Variants in SNRNP70 observed in about 807,000 individuals in gnomAD.
SNRNP70 encodes small nuclear ribonucleoprotein U1 subunit 70, also known as U1 small nuclear ribonucleoprotein 70 kDa.
SNRNP70 carries 8 observed loss-of-function variants against 50.5 expected under a neutral mutation model. That is an observed-to-expected ratio of 0.16 (90% CI 0.09 to 0.29). The LOEUF (loss-of-function observed/expected upper bound fraction) is 0.29, where lower values mean the gene tolerates loss of function less well. Ranked by LOEUF, SNRNP70 falls within the 10% of genes least tolerant of loss-of-function variation. The pLI is 1.00. For missense variants in SNRNP70, 529 were observed against 663.5 expected (o/e 0.80, Z 2.23); for synonymous variants, 320 against 252.9 (o/e 1.27, Z -2.52).
intron 8 of SNRNP70, among the ~76,000 whole-genome samples, chr19:49,106,148 C>A (rs567847252): frequency 6.6e-6 from 1 of 152,110 alleles, no homozygotes; most frequent in Non-Finnish European, 1.5e-5. Flanking sequence ...TGCTGAGCCT[C>A]GGAGCTTACC....
chr19:49,101,471 T>A lies in SNRNP70; in HGVS notation c.475T>A (p.Ser159Thr), dbSNP rs750797729. The A allele has an allele frequency of 6.2e-7, 1 of 1,610,876 alleles. No homozygotes were observed. The highest frequency in any genetic ancestry group is 1.7e-5 in the Admixed American group (1 of 60,022). ...IEYEHERDMH[S>T]AYKHADGKKI... is the part of the protein sequence containing the mutation. ...GTACGAACACGAGCGAGACATGCAC[T>A]GTGAGTACCTCCCGCCGAGCCCTGC... Residue 159 changes from serine to threonine, a missense_variant and splice_region_variant, in exon 7 of 10, where the codon TCC becomes ACC. Around this residue, in one of 4 missense-constraint regions of SNRNP70, gnomAD observed 149 missense variants for 259.7 expected, o/e 0.57. Transcript: ENST00000598441.
At position 49,101,464 on chromosome 19, in the gene SNRNP70, C is replaced by T; in HGVS notation, c.468C>T (p.Asp156=). 2 of 1,612,670 alleles carry T rather than the reference C, an allele frequency of 1.2e-6. No individual in the cohort carries two copies. Among genetic ancestry groups the T allele is most frequent in the Non-Finnish European group, 8.5e-7 (1 of 1,178,682 alleles). ...YAFIEYEHER[D]MHSAYKHADG... is the part of the protein sequence containing the mutation. ...TCATCGAGTACGAACACGAGCGAGA[C>T]ATGCACTGTGAGTACCTCCCGCCGA... The change falls in exon 7 of 10, where the codon GAC becomes GAT. Residue 156 remains aspartate (D), a synonymous_variant. Coordinates refer to ENST00000598441, the MANE Select transcript of SNRNP70 (RefSeq NM_003089.6).
intron 4 of SNRNP70, among the ~76,000 whole-genome samples, chr19:49,094,039 A>T (rs368755153): frequency 3.4e-4 from 51 of 151,616 alleles, no homozygotes; most frequent in African/African-American, 1.2e-3. Context: ...ACAAACAAGT[A>T]AGTTCCAATT....
chr19:49,094,472 C>T (rs2040487856), intron 4 of SNRNP70, among the ~76,000 whole-genome samples: 1 of 152,028 alleles, frequency 6.6e-6, no homozygotes, highest in Admixed American at 6.6e-5. Flanking sequence ...GCACTCCAGC[C>T]GGGGTGACAG....
At chr19:49,091,321 AT>A (rs2040444438) in intron 4 of SNRNP70, among the ~76,000 whole-genome samples, 1 of 149,788 alleles carries the variant, frequency 6.7e-6, no homozygotes, top group Non-Finnish European at 1.5e-5. Context: ...GTGAGCCGGG[AT>A]CGCGTCGGCT....
chr19:49,104,465 C>CG lies in SNRNP70; in HGVS notation c.476-167dup, dbSNP rs2040638068. 1.6e-6 allele frequency: 1 copy of CG among 614,614 alleles called. No individual in the cohort carries two copies. Among genetic ancestry groups the CG allele is most frequent in the Non-Finnish European group, 3.0e-6 (1 of 338,386 alleles). The allele number at this position is 614,614 out of a possible 1,614,324, so 38.1% of individuals were successfully genotyped here. A position where few individuals can be genotyped will look rare whatever the true frequency, so the allele number is the denominator to read the frequency against. ...CGCTGAGATGGAGCAGGCCCTTCACCGGTTTGGGAGAGGGTTGGTCTGGCT... is the reference window on the plus strand; with the variant it reads ...CGCTGAGATGGAGCAGGCCCTTCACCGGGTTTGGGAGAGGGTTGGTCTGGCT... On this transcript the variant is annotated intron_variant, in intron 7 of 9. Transcript: ENST00000598441. The surrounding 1 kb of genome is among the most constrained non-coding windows in gnomAD (Gnocchi z 5.4).
rs548035318 is a variant in SNRNP70 at position 49,093,184 on chromosome 19, C to T, written c.265+2664C>T. On this transcript the variant is annotated intron_variant, in intron 4 of 9. Coordinates refer to ENST00000598441, the MANE Select transcript of SNRNP70 (RefSeq NM_003089.6). The stretch of plus-strand genomic sequence containing the variant: ...GATCTAGGGTCACTGCAACCTCTGC[C>T]TCCCCGGTTCAAGCGATTTCCCTGC... Among the ~76,000 whole-genome samples, 10 of 152,148 alleles carry T rather than the reference C, an allele frequency of 6.6e-5. No homozygotes were observed. The East Asian group carries it at 1.6e-3, about 24-fold the overall frequency.
chr19:49,102,791 T>G (rs553088335), intron 7 of SNRNP70: 1 of 152,776 alleles, frequency 6.5e-6, no homozygotes, highest in East Asian at 1.9e-4. Context: ...GTGTCGTAGG[T>G]TTTTACTAAA....
At chr19:49,105,453 A>T (rs2040653824) in intron 8 of SNRNP70, among the ~76,000 whole-genome samples, 1 of 152,146 alleles carries the variant, frequency 6.6e-6, no homozygotes, top group Non-Finnish European at 1.5e-5. Flanking sequence ...CAACCAGGCC[A>T]GGCGTGGTGG....
Position 49,108,512 on chromosome 19 carries a change from C to T in SNRNP70, c.*69C>T, listed in dbSNP as rs1198928341. On this transcript the variant is annotated 3_prime_UTR_variant, in exon 10 of 10. Coordinates refer to ENST00000598441, the MANE Select transcript of SNRNP70 (RefSeq NM_003089.6). ...CCAGCCCCTTGCTGTCATCCCCTCC[C>T]CCAACCTTGGCCACTTGAGTTTGTC... 3.3e-6 allele frequency: 5 copies of T among 1,527,596 alleles called. No homozygotes were observed. The African/African-American group carries it at 4.1e-5, about 13-fold the overall frequency. The allele number at this position is 1,527,596 out of a possible 1,614,324, so 94.6% of individuals were successfully genotyped here.
At chr19:49,099,040 T>A (rs1342190584) in intron 6 of SNRNP70, among the ~76,000 whole-genome samples, 1 of 152,182 alleles carries the variant, frequency 6.6e-6, no homozygotes, top group Non-Finnish European at 1.5e-5. Flanking sequence ...TATACGGCCG[T>A]CCAAGCTGGA....
chr19:49,098,759 A>T, intron 6 of SNRNP70, 55 bp downstream of exon 6: 1 of 1,416,756 alleles, frequency 7.1e-7, no homozygotes. Flanking sequence ...GAGGGGCTGT[A>T]TCCTGAGAGG....
intron 2 of SNRNP70, among the ~76,000 whole-genome samples, 155 bp from the exon 3 acceptor site, chr19:49,090,136 C>T (rs1302757326): frequency 1.3e-5 from 2 of 151,546 alleles, no homozygotes; most frequent in Non-Finnish European, 2.9e-5. Flanking sequence ...ATCTGTGCCA[C>T]TCCCCTCCCT....
chr19:49,101,055 G>C (rs1244466334), intron 6 of SNRNP70, among the ~76,000 whole-genome samples: 2 of 152,150 alleles, frequency 1.3e-5, no homozygotes, highest in Non-Finnish European at 2.9e-5. Context: ...ACATGAGCCA[G>C]CCCTGCCGAA....
chr19:49,097,027 A>C (rs539546384), intron 4 of SNRNP70, among the ~76,000 whole-genome samples: 1 of 150,798 alleles, frequency 6.6e-6, no homozygotes, highest in East Asian at 2.0e-4. Context: ...CTGCTTGAGA[A>C]GCTGAGGCAG....
chr19:49,097,653 C>T lies in SNRNP70; in HGVS notation c.266-774C>T, dbSNP rs8100358. ...TTAAGGCCCCGGCAGGAGTCAGGGT[C>T]ATTATGTGCTGGAGCCACCATATTT... On this transcript the variant is annotated intron_variant, in intron 4 of 9. Coordinates refer to ENST00000598441, the MANE Select transcript of SNRNP70 (RefSeq NM_003089.6). Among the ~76,000 whole-genome samples the T allele has an allele frequency of 5.2e-3, 787 of 152,310 alleles. 5 individuals carry two copies. Among genetic ancestry groups the T allele is most frequent in the African/African-American group, 0.018 (754 of 41,570 alleles).
chr19:49,098,550 C>T, intron 5 of SNRNP70, 59 bp downstream of exon 5: 2 of 1,598,388 alleles, frequency 1.3e-6, no homozygotes, highest in Non-Finnish European at 1.7e-6. Context: ...GGGTCTGGCA[C>T]AAAGGTCAAA....
intron 7 of SNRNP70, 65 bp downstream of exon 7, chr19:49,101,536 C>A: frequency 9.2e-7 from 1 of 1,084,726 alleles, no homozygotes; most frequent in East Asian, 2.4e-5. Context: ...CCCAGCCCCT[C>A]CCAGTCTGTC....
At chr19:49,093,379 C>T (rs1343339241) in intron 4 of SNRNP70, among the ~76,000 whole-genome samples, 1 of 152,130 alleles carries the variant, frequency 6.6e-6, no homozygotes, top group Non-Finnish European at 1.5e-5. Context: ...AGCCACCACA[C>T]CCGGCCAGAA....
Sources: allele counts gnomAD v4.1 joint callset (sites outside exome capture counted in the v4.1 genomes callset), GRCh38; gene constraint gnomAD v4.1.1; regional missense constraint gnomAD v4.1.1; non-coding constraint Gnocchi (gnomAD v3.1); transcripts MANE v1.5; gene names NCBI Gene and HGNC (gene_info 2026-07-23, HGNC 2026-07-21).